VASH2: variants seen among roughly 807,000 people sequenced by gnomAD.
VASH2 encodes the protein tubulinyl-Tyr carboxypeptidase 2.
VASH2 carries 28 observed loss-of-function variants against 37.2 expected under a neutral mutation model. That is an observed-to-expected ratio of 0.75 (90% CI 0.56 to 1.03). VASH2 has a LOEUF of 1.03. Ranked by LOEUF, VASH2 falls within the 50% of genes least tolerant of loss-of-function variation. The probability of loss-of-function intolerance (pLI) is 0.00; values close to 1 mark genes in which losing one functional copy is unlikely to be tolerated. For missense variants in VASH2, 419 were observed against 459.1 expected (o/e 0.91, Z 0.80); for synonymous variants, 188 against 174.7 (o/e 1.08, Z -0.60).
At chr1:212,963,871 A>G (rs1469421688) in intron 3 of VASH2, among the ~76,000 whole-genome samples, 1 of 152,218 alleles carries the variant, frequency 6.6e-6, no homozygotes, top group Non-Finnish European at 1.5e-5. Flanking sequence ...ATTTTTGCCA[A>G]TTGAATTCTA....
At position 212,990,242 on chromosome 1, in the gene VASH2, ACAAGAC is replaced by A. The variant is rs1003095573; in HGVS notation, c.*1663_*1668del. 7 of 152,338 alleles carry A rather than the reference ACAAGAC, an allele frequency of 4.6e-5. No homozygotes were observed. Among genetic ancestry groups the A allele is most frequent in the African/African-American group, 1.7e-4 (7 of 41,576 alleles). 9.4% of individuals were successfully genotyped at this position (152,338 alleles called of 1,614,324 possible). A position where few individuals can be genotyped will look rare whatever the true frequency, so the allele number is the denominator to read the frequency against. ...AAGAAGTCGAATGTCCTTTAGATGA[ACAAGAC>A]CAAGTATACATCTCCATTAGATTAA... On this transcript the variant is annotated 3_prime_UTR_variant, in exon 8 of 8. Transcript: ENST00000517399.
chr1:212,975,181 T>C (rs1434646911), intron 7 of VASH2, among the ~76,000 whole-genome samples: 1 of 152,248 alleles, frequency 6.6e-6, no homozygotes, highest in Non-Finnish European at 1.5e-5. Flanking sequence ...CCTCTGATTC[T>C]GGGAGGTGGC....
chr1:212,969,422 T>A (rs1422827019), intron 5 of VASH2, among the ~76,000 whole-genome samples: 3 of 152,196 alleles, frequency 2.0e-5, no homozygotes, highest in Non-Finnish European at 2.9e-5. Context: ...GGTCTCAATC[T>A]GCTGACCTCG....
chr1:212,970,235 A>G (rs1482453776), intron 5 of VASH2, among the ~76,000 whole-genome samples: 1 of 152,028 alleles, frequency 6.6e-6, no homozygotes, highest in Non-Finnish European at 1.5e-5. Context: ...CCTCCATACT[A>G]CCTCGCCACC....
At chr1:212,979,181 G>A (rs1482741097) in intron 7 of VASH2, among the ~76,000 whole-genome samples, 1 of 152,226 alleles carries the variant, frequency 6.6e-6, no homozygotes, top group Non-Finnish European at 1.5e-5. Flanking sequence ...GTTCCTGGAG[G>A]TATGTTTGGA....
chr1:212,957,981 C>T (rs1031971233), intron 2 of VASH2, among the ~76,000 whole-genome samples: 9 of 152,212 alleles, frequency 5.9e-5, no homozygotes, highest in African/African-American at 1.9e-4. Context: ...TGCTTACAAC[C>T]AGCTTGGAAG....
intron 4 of VASH2, 69 bp downstream of exon 4, chr1:212,965,847 A>C: frequency 2.1e-6 from 3 of 1,429,266 alleles, no homozygotes; most frequent in South Asian, 2.5e-5. Flanking sequence ...TTCCTCTCCC[A>C]ACCTCTATTC....
intron 7 of VASH2, 91 bp from the exon 8 acceptor site, chr1:212,988,421 T>C: frequency 7.5e-6 from 10 of 1,329,142 alleles, no homozygotes; most frequent in Non-Finnish European, 1.1e-5. Flanking sequence ...TCAGAAGGAT[T>C]AGGAAAACCG....
intron 5 of VASH2, chr1:212,967,250 A>G: frequency 7.7e-7 from 1 of 1,294,210 alleles, no homozygotes; most frequent in Non-Finnish European, 1.0e-6. Flanking sequence ...GGTGATGACC[A>G]CCTCCCTTAC....
chr1:212,955,509 A>G (rs947179631), intron 2 of VASH2, among the ~76,000 whole-genome samples: 1 of 152,214 alleles, frequency 6.6e-6, no homozygotes, highest in Non-Finnish European at 1.5e-5. Context: ...GCAGATGGGA[A>G]GCGAGGCTCA....
chr1:212,951,743 G>C lies in VASH2; in HGVS notation c.201G>C (p.Trp67Cys). ...PIDSHTWERM[W>C]MHVAKVHPKG... ...ACAGCCACACCTGGGAGCGCATGTG[G>C]ATGCACGTGGCCAAGGTGCACCCTA... The change falls in exon 2 of 8, where the codon TGG (tryptophan) becomes TGC (cysteine). Residue 67 changes from tryptophan (W) to cysteine (C), a missense_variant. Around this residue, in one of 3 missense-constraint regions of VASH2, gnomAD observed 158 missense variants for 163.0 expected, o/e 0.97. Coordinates refer to ENST00000517399, the MANE Select transcript of VASH2 (RefSeq NM_001301056.2). The surrounding 1 kb of genome is among the most constrained non-coding windows in gnomAD (Gnocchi z 4.4). 1 of 1,608,090 alleles carries C rather than the reference G, an allele frequency of 6.2e-7. No individual in the cohort carries two copies. The highest frequency in any genetic ancestry group is 8.5e-7 in the Non-Finnish European group (1 of 1,178,268).
Position 212,988,543 on chromosome 1 carries a change from C to G in VASH2, c.1027C>G (p.Leu343Val). ...PALPEKKVADLSTLNEVGYQI... is the reference protein window; with the variant it reads ...PALPEKKVADVSTLNEVGYQI... ...ACTGCCTGAAAAGAAGGTGGCTGAT[C>G]TGAGCACTCTGAATGAAGTGGGCTA... is the stretch of plus-strand genomic sequence containing the variant. Residue 343 changes from leucine (L) to valine (V), a missense_variant, in exon 8 of 8, where the codon CTG becomes GTG. Leu to Val is a conservative substitution (Grantham distance 32). This residue lies in a region of VASH2 where 177 missense variants were observed against 166.2 expected (regional missense o/e 1.06). Coordinates refer to ENST00000517399, the MANE Select transcript of VASH2 (RefSeq NM_001301056.2). The G allele has an allele frequency of 6.2e-7, 1 of 1,614,156 alleles. No homozygotes were observed. Among genetic ancestry groups the G allele is most frequent in the Non-Finnish European group, 8.5e-7 (1 of 1,180,018 alleles).
chr1:212,978,361 G>T (rs1222246474), intron 7 of VASH2, among the ~76,000 whole-genome samples: 2 of 152,210 alleles, frequency 1.3e-5, no homozygotes, highest in Non-Finnish European at 2.9e-5. Flanking sequence ...ACATCAGAGT[G>T]GGCCTGGGAA....
intron 3 of VASH2, among the ~76,000 whole-genome samples, chr1:212,962,757 C>T (rs375968171): frequency 2.0e-5 from 3 of 152,192 alleles, no homozygotes; most frequent in Admixed American, 6.5e-5. Context: ...GAGGTAGCGC[C>T]GGTCTCCAAG....
intron 6 of VASH2, 36 bp from the exon 7 acceptor site, chr1:212,973,919 G>A: frequency 6.2e-7 from 1 of 1,601,142 alleles, no homozygotes; most frequent in Non-Finnish European, 8.5e-7. Context: ...AGGTCCCTTA[G>A]GAACCAGGGT....
At chr1:212,961,334 C>G in intron 3 of VASH2, 80 bp downstream of exon 3, 1 of 1,605,096 alleles carries the variant, frequency 6.2e-7, no homozygotes. Flanking sequence ...AAATCTGTCC[C>G]CAGCTGGTCA....
In VASH2 at chr1:212,988,680, T is replaced by G; in HGVS notation, c.*96T>G. On this transcript the variant is annotated 3_prime_UTR_variant, in exon 8 of 8. Coordinates refer to ENST00000517399, the MANE Select transcript of VASH2 (RefSeq NM_001301056.2). ...GGAACTGCAACTATTTATTAAGAAC[T>G]TGTGAATTTTATTTTTAAGGATTCA... The G allele has an allele frequency of 7.8e-7, 1 of 1,278,196 alleles. No individual in the cohort carries two copies. The highest frequency in any genetic ancestry group is 1.2e-5 in the South Asian group (1 of 80,142). The allele number at this position is 1,278,196 out of a possible 1,614,324, so 79.2% of individuals were successfully genotyped here.
chr1:212,974,078 A>G lies in VASH2; in HGVS notation c.995+8A>G, dbSNP rs202061864. 91 of 1,607,242 alleles carry G rather than the reference A, an allele frequency of 5.7e-5. No homozygotes were observed. The African/African-American group carries it at 1.1e-3, about 20-fold the overall frequency. On this transcript the variant is annotated splice_region_variant and intron_variant, in intron 7 of 7. Coordinates refer to ENST00000517399, the MANE Select transcript of VASH2 (RefSeq NM_001301056.2). ...CGGCCGGCGAGAGAAGTCGTGAGTAATATTTCCTCTTCCCCAACTCAAAGC... is the reference window on the plus strand; with the variant it reads ...CGGCCGGCGAGAGAAGTCGTGAGTAGTATTTCCTCTTCCCCAACTCAAAGC...
intron 7 of VASH2, among the ~76,000 whole-genome samples, 159 bp downstream of exon 7, chr1:212,974,229 G>T (rs1484712179): frequency 6.6e-6 from 1 of 152,186 alleles, no homozygotes; most frequent in Non-Finnish European, 1.5e-5. Flanking sequence ...CTGTGGAAAA[G>T]GATCCACTGG....
Sources: gnomAD v4.1 joint callset for allele counts (sites outside exome capture counted in the v4.1 genomes callset) on GRCh38, gnomAD v4.1.1 for gene constraint, gnomAD v4.1.1 regional missense constraint, Gnocchi (gnomAD v3.1) non-coding constraint, MANE v1.5 for transcripts, NCBI Gene and HGNC (gene_info 2026-07-23, HGNC 2026-07-21) for gene names.